The following ZFHX3 variants were observed in gnomAD, a reference collection of about 807,000 sequenced individuals.
The protein encoded by ZFHX3 is zinc finger homeobox 3, also known as zinc finger homeobox protein 3.
In ZFHX3, 42 loss-of-function variants were observed where a neutral mutation model predicts 279.1. That is an observed-to-expected ratio of 0.15 (90% CI 0.12 to 0.19). The LOEUF is 0.19. ZFHX3 is among the 10% of genes least tolerant of loss of function. ZFHX3 has a pLI of 1.00. For missense variants in ZFHX3, 4,981 were observed against 4,754.0 expected (o/e 1.05, Z -1.40); for synonymous variants, 2,293 against 1,957.8 (o/e 1.17, Z -4.52).
At chr16:72,969,958 G>T (rs1168684421) in intron 1 of ZFHX3, among the ~76,000 whole-genome samples, 1 of 152,206 alleles carries the variant, frequency 6.6e-6, no homozygotes, top group Non-Finnish European at 1.5e-5. Flanking sequence ...GACGCCCACT[G>T]CCCAGAAGGC....
chr16:72,886,197 G>C (rs145005423), intron 4 of ZFHX3, among the ~76,000 whole-genome samples: 4 of 152,130 alleles, frequency 2.6e-5, no homozygotes, highest in Admixed American at 1.3e-4. Context: ...TAAATAATAC[G>C]TAATACTTTG....
At chr16:72,819,344 A>C (rs1675781391) in intron 5 of ZFHX3, among the ~76,000 whole-genome samples, 1 of 151,928 alleles carries the variant, frequency 6.6e-6, no homozygotes, top group South Asian at 2.1e-4. Context: ...AGGGCTCAGG[A>C]CTTACTGTCT....
Position 72,797,007 on chromosome 16 carries a change from T to A in ZFHX3, c.5675A>T (p.Glu1892Val). Residue 1892 changes from glutamate to valine, a missense_variant, in exon 9 of 10, where the codon GAG becomes GTG. Physicochemically the swap from Glu to Val is moderately radical, Grantham distance 121. This residue lies in a region of ZFHX3 where 1,751 missense variants were observed against 1,770.0 expected (regional missense o/e 0.99). Transcript: ENST00000268489. ...IKEKEKESQR[E>V]RDSAEGGEGN... ...CTCTCCCCCCTCGGCGCTGTCCCTC[T>A]CTCTCTGGCTTTCTTTTTCCTTTTC... The A allele has an allele frequency of 6.2e-7, 1 of 1,614,082 alleles. No individual in the cohort carries two copies. The highest frequency in any genetic ancestry group is 8.5e-7 in the Non-Finnish European group (1 of 1,180,018).
chr16:73,218,553 G>A (rs921537978), intron 5 of ZFHX3, among the ~76,000 whole-genome samples: 3 of 152,198 alleles, frequency 2.0e-5, no homozygotes, highest in African/African-American at 7.2e-5. Context: ...CAGATCACTT[G>A]AGGTCAAGAG....
At chr16:73,475,248 G>T (rs1222536089) in intron 2 of ZFHX3, among the ~76,000 whole-genome samples, 2 of 152,116 alleles carry the variant, frequency 1.3e-5, no homozygotes, top group African/African-American at 2.4e-5. Flanking sequence ...CTGACTTTAC[G>T]ATATTCGTGG....
chr16:73,256,040 C>T (rs894372468), intron 5 of ZFHX3, among the ~76,000 whole-genome samples: 19 of 152,298 alleles, frequency 1.2e-4, no homozygotes, highest in African/African-American at 3.1e-4. Flanking sequence ...AAAATAGCGA[C>T]GGCAAAGCTC....
intron 3 of ZFHX3, among the ~76,000 whole-genome samples, chr16:72,896,533 G>A (rs1352110632): frequency 1.3e-5 from 2 of 152,324 alleles, no homozygotes; most frequent in South Asian, 2.1e-4. Flanking sequence ...TCCGCTGTGC[G>A]ACTTTGTGGG....
intron 3 of ZFHX3, among the ~76,000 whole-genome samples, chr16:73,332,495 T>C (rs1358623979): frequency 6.6e-6 from 1 of 152,218 alleles, no homozygotes; most frequent in African/African-American, 2.4e-5. Context: ...GCAGCACAGG[T>C]CTCTGGCTGA....
chr16:73,159,497 A>C (rs571226216), intron 5 of ZFHX3, among the ~76,000 whole-genome samples: 1 of 152,164 alleles, frequency 6.6e-6, no homozygotes, highest in African/African-American at 2.4e-5. Context: ...CATGTGAAGA[A>C]GCTTGGGGTT....
intron 4 of ZFHX3, among the ~76,000 whole-genome samples, chr16:72,875,334 G>A (rs995986913): frequency 6.6e-6 from 1 of 152,254 alleles, no homozygotes; most frequent in Non-Finnish European, 1.5e-5. Context: ...GGGGAGACCT[G>A]GCTTGGTTGT....
intron 2 of ZFHX3, among the ~76,000 whole-genome samples, chr16:73,556,544 C>T (rs1380197264): frequency 6.6e-6 from 1 of 152,140 alleles, no homozygotes; most frequent in Non-Finnish European, 1.5e-5. Flanking sequence ...CTCTGGACGG[C>T]ACCAAAGATG....
upstream of ZFHX3, among the ~76,000 whole-genome samples, chr16:73,050,123 CAG>C (rs572263447): frequency 3.3e-4 from 51 of 152,318 alleles, no homozygotes; most frequent in Admixed American, 1.8e-3. Flanking sequence ...TTTTTATTAA[CAG>C]GGGACAACCT....
chr16:73,379,647 G>T (rs1163376114), intron 3 of ZFHX3, among the ~76,000 whole-genome samples: 1 of 152,152 alleles, frequency 6.6e-6, no homozygotes, highest in East Asian at 1.9e-4. Context: ...AAAGGAAGAG[G>T]ACCCTGCTGG....
chr16:72,829,907 GA>G, intron 4 of ZFHX3, 48 bp from the exon 5 acceptor site: 1 of 1,607,522 alleles, frequency 6.2e-7, no homozygotes, highest in Non-Finnish European at 8.5e-7. Context: ...AAAAGAAGAT[GA>G]AGGACTTTTG....
intron 1 of ZFHX3, among the ~76,000 whole-genome samples, chr16:73,013,457 T>C (rs1963990015): frequency 6.6e-6 from 1 of 152,012 alleles, no homozygotes; most frequent in Non-Finnish European, 1.5e-5. Context: ...CCAGCTAATT[T>C]TTCTATTTTT....
intron 2 of ZFHX3, among the ~76,000 whole-genome samples, chr16:73,659,144 A>C (rs2052753525): frequency 6.6e-6 from 1 of 152,222 alleles, no homozygotes; most frequent in South Asian, 2.1e-4. Context: ...CGCAGTATGC[A>C]CTTTGGATGG....
rs555992458 is a variant in ZFHX3, at chr16:72,919,352, G to T, written c.3217-29390C>A. 1.4e-4 allele frequency among the ~76,000 whole-genome samples: 22 copies of T among 151,968 alleles called. No individual in the cohort carries two copies. In the Middle Eastern group the frequency reaches 0.017, roughly 117 times the overall value. The stretch of plus-strand genomic sequence containing the variant: ...TTTTGTATTTTTTTGTAGAGATGGG[G>T]GTTTCACCATGCTACGCAGGCTGTT... On this transcript the variant is annotated intron_variant, in intron 3 of 9. Coordinates refer to ENST00000268489, the MANE Select transcript of ZFHX3 (RefSeq NM_006885.4).
chr16:72,900,570 T>G (rs1338996231), intron 3 of ZFHX3, among the ~76,000 whole-genome samples: 1 of 152,224 alleles, frequency 6.6e-6, no homozygotes, highest in Non-Finnish European at 1.5e-5. Context: ...TAAGTCCAGA[T>G]GTTGCTTCGT....
intron 7 of ZFHX3, among the ~76,000 whole-genome samples, chr16:73,098,190 C>A (rs1241071746): frequency 1.3e-5 from 2 of 151,846 alleles, no homozygotes; most frequent in African/African-American, 4.8e-5. Flanking sequence ...GCCTCAGCCT[C>A]CTGAGCAGCT....
Sources: allele counts gnomAD v4.1 joint callset (sites outside exome capture counted in the v4.1 genomes callset), GRCh38; gene constraint gnomAD v4.1.1; regional missense constraint gnomAD v4.1.1; transcripts MANE v1.5; gene names NCBI Gene and HGNC (gene_info 2026-07-23, HGNC 2026-07-21).